PCDHA13: variants seen among roughly 807,000 people sequenced by gnomAD.
PCDHA13 encodes protocadherin alpha-13.
A neutral mutation model predicts 64.8 loss-of-function variants in PCDHA13; 54 were observed. The ratio of observed to expected loss-of-function variants is 0.83; its 90% CI spans 0.67 to 1.04. PCDHA13 has a LOEUF of 1.04. Ranked by LOEUF, PCDHA13 falls within the 50% of genes least tolerant of loss-of-function variation. PCDHA13 has a pLI of 0.00. For synonymous variants in PCDHA13, 587 were observed against 564.4 expected (o/e 1.04, Z -0.57); for missense variants, 1,248 against 1,254.3 (o/e 0.99, Z 0.08).
At chr5:140,944,053 A>G (rs246065) in intron 1 of PCDHA13, among the ~76,000 whole-genome samples, 85,768 of 152,016 alleles carry the variant, frequency 0.56, 24,809 homozygotes, top group African/African-American at 0.69. Context: ...TTGGGATACA[A>G]AAAGGTTTCT....
chr5:141,002,128 C>T (rs1426506599), intron 3 of PCDHA13, among the ~76,000 whole-genome samples: 1 of 152,244 alleles, frequency 6.6e-6, no homozygotes, highest in African/African-American at 2.4e-5. Context: ...ATTTAATAGC[C>T]TTTGCCGGCT....
chr5:140,989,422 TG>T (rs1554250798), intron 3 of PCDHA13, among the ~76,000 whole-genome samples: 2 of 152,128 alleles, frequency 1.3e-5, no homozygotes, highest in African/African-American at 4.8e-5. Flanking sequence ...CTTCACTCTG[TG>T]GGAAAAATTG....
intron 1 of PCDHA13, among the ~76,000 whole-genome samples, chr5:140,899,982 A>AT (rs1290251020): frequency 2.0e-5 from 3 of 150,600 alleles, no homozygotes; most frequent in African/African-American, 4.9e-5. Context: ...TACTTTTTTG[A>AT]TTTTTTTTGT....
At position 140,928,807 on chromosome 5, in the gene PCDHA13, C is replaced by T. The variant is rs782261335; in HGVS notation, c.2394+44145C>T. 6.2e-6 allele frequency: 10 copies of T among 1,614,094 alleles called. No homozygotes were observed. Among genetic ancestry groups the T allele is most frequent in the Non-Finnish European group, 8.5e-6 (10 of 1,180,020 alleles). On this transcript the variant is annotated intron_variant, in intron 1 of 3. Coordinates refer to ENST00000289272, the MANE Select transcript of PCDHA13 (RefSeq NM_018904.3). ...TAAGCAGAGGGTGGTGGTAGTGGTT[C>T]GGGACCATGGAGACCCACCACTTTC...
intron 1 of PCDHA13, chr5:140,928,374 C>T (rs782659188): frequency 6.2e-7 from 1 of 1,614,172 alleles, no homozygotes; most frequent in Non-Finnish European, 8.5e-7. Flanking sequence ...GGCCATCAGC[C>T]TCTAGCTTGC....
intron 1 of PCDHA13, among the ~76,000 whole-genome samples, chr5:140,888,046 A>G (rs2061675850): frequency 6.6e-6 from 1 of 152,214 alleles, no homozygotes; most frequent in South Asian, 2.1e-4. Flanking sequence ...CATGTATAAT[A>G]GATGTTTTAA....
At chr5:141,009,391 C>T (rs1006846075) in intron 3 of PCDHA13, among the ~76,000 whole-genome samples, 1 of 152,086 alleles carries the variant, frequency 6.6e-6, no homozygotes, top group Non-Finnish European at 1.5e-5. Context: ...CACAGGAGGT[C>T]GAGGCTGCAG....
intron 1 of PCDHA13, among the ~76,000 whole-genome samples, chr5:140,922,015 A>G (rs1563050158): frequency 6.6e-6 from 1 of 152,098 alleles, no homozygotes; most frequent in Non-Finnish European, 1.5e-5. Context: ...AGTTTAAAAA[A>G]ATAAATATAA....
Position 140,884,301 on chromosome 5 carries a change from C to T in PCDHA13, c.2033C>T (p.Ala678Val), listed in dbSNP as rs375535055. Residue 678 changes from alanine (A) to valine (V), a missense_variant, in exon 1 of 4, where the codon GCT becomes GTT. Transcript: ENST00000289272. ...GTGGAGAGCGGCCAAGCGCCACAGG[C>T]TTCGTCGAGGGCGTCGGCAGGCGCT... ...SLVESGQAPQ[A>V]SSRASAGAVG... 4.3e-6 allele frequency: 7 copies of T among 1,613,608 alleles called. No homozygotes were observed. The African/African-American group carries it at 8.0e-5, about 18-fold the overall frequency.
At chr5:140,911,168 T>C (rs1315264734) in intron 1 of PCDHA13, among the ~76,000 whole-genome samples, 1 of 152,190 alleles carries the variant, frequency 6.6e-6, no homozygotes, top group Non-Finnish European at 1.5e-5. Context: ...GTGGAAAGGC[T>C]GATGGCAGTG....
At chr5:140,949,657 T>G (rs908826690) in intron 1 of PCDHA13, among the ~76,000 whole-genome samples, 2 of 151,876 alleles carry the variant, frequency 1.3e-5, no homozygotes, top group Non-Finnish European at 3.0e-5. Flanking sequence ...TTTACTTTTG[T>G]TTCTTTAAAG....
At chr5:140,885,985 G>A (rs879977606) in intron 1 of PCDHA13, among the ~76,000 whole-genome samples, 3 of 152,110 alleles carry the variant, frequency 2.0e-5, no homozygotes, top group Admixed American at 2.0e-4. Context: ...AGATTCGCAT[G>A]TGGTTGAAAG....
Position 140,882,245 on chromosome 5 carries a change from G to C in PCDHA13, c.-24G>C, listed in dbSNP as rs376978051. Reference sequence around the variant, plus strand: ...TAAGGCGTTGTATATATTGCAGATAGCTCTGAGGTTTTTGGAGTGTACCAT... The same window carrying C: ...TAAGGCGTTGTATATATTGCAGATACCTCTGAGGTTTTTGGAGTGTACCAT... On this transcript the variant is annotated 5_prime_UTR_variant, in exon 1 of 4. Coordinates refer to ENST00000289272, the MANE Select transcript of PCDHA13 (RefSeq NM_018904.3). 82 of 1,592,614 alleles carry C rather than the reference G, an allele frequency of 5.1e-5. No homozygotes were observed. In the African/African-American group the frequency reaches 9.3e-4, roughly 18 times the overall value.
At chr5:140,948,018 T>A (rs1308826509) in intron 1 of PCDHA13, among the ~76,000 whole-genome samples, 1 of 151,290 alleles carries the variant, frequency 6.6e-6, no homozygotes, top group Non-Finnish European at 1.5e-5. Context: ...GAAGTACCCT[T>A]TCTGGTTTGC....
intron 3 of PCDHA13, among the ~76,000 whole-genome samples, chr5:141,005,816 G>A (rs1295998009): frequency 1.3e-5 from 2 of 151,804 alleles, no homozygotes; most frequent in African/African-American, 4.8e-5. Context: ...AGCCAGGTAT[G>A]GTGGCCTGTA....
At chr5:140,903,982 T>G (rs782635653) in intron 1 of PCDHA13, among the ~76,000 whole-genome samples, 5 of 152,232 alleles carry the variant, frequency 3.3e-5, no homozygotes, top group African/African-American at 4.8e-5. Flanking sequence ...CTATTCACAA[T>G]GTAACAGCTA....
At chr5:140,967,579 C>G in intron 1 of PCDHA13, 7 of 1,614,154 alleles carry the variant, frequency 4.3e-6, no homozygotes, top group South Asian at 1.1e-5. Context: ...AGGACTCACC[C>G]CCAGGCACAT....
intron 1 of PCDHA13, chr5:140,929,377 CTGT>C (rs782747382): frequency 6.6e-7 from 1 of 1,514,350 alleles, no homozygotes; most frequent in Non-Finnish European, 8.8e-7. Flanking sequence ...TGGCTGCTAG[CTGT>C]GTTTTGAAAT....
At chr5:140,959,800 G>A (rs193288186) in intron 1 of PCDHA13, among the ~76,000 whole-genome samples, 1 of 152,080 alleles carries the variant, frequency 6.6e-6, no homozygotes, top group Admixed American at 6.5e-5. Context: ...CTAATTTAGA[G>A]GATTTATATT....
Sources: allele counts gnomAD v4.1 joint callset (sites outside exome capture counted in the v4.1 genomes callset), GRCh38; gene constraint gnomAD v4.1.1; transcripts MANE v1.5; gene names NCBI Gene and HGNC (gene_info 2026-07-23, HGNC 2026-07-21).